The following ADAM18 variants were observed in gnomAD, a reference collection of about 807,000 sequenced individuals.
ADAM18 encodes the protein ADAM metallopeptidase domain 18.
In ADAM18, 117 loss-of-function variants were observed where a neutral mutation model predicts 94.4. That is an observed-to-expected ratio of 1.24 (90% confidence interval 1.07 to 1.45). The LOEUF (loss-of-function observed/expected upper bound fraction) is 1.45. ADAM18 is among the 40% of genes most tolerant of loss of function. ADAM18 has a pLI of 0.00. For synonymous variants in ADAM18, 327 were observed against 291.6 expected (o/e 1.12, Z -1.24); for missense variants, 936 against 880.0 (o/e 1.06, Z -0.81).
chr8:39,724,415 T>C (rs147055194), intron 19 of ADAM18, among the ~76,000 whole-genome samples: 1,858 of 152,014 alleles, frequency 0.012, 21 homozygotes, highest in Non-Finnish European at 0.017. Context: ...TGAATTATCA[T>C]ACTTTATTCC....
chr8:39,629,480 T>G (rs1585915996), intron 7 of ADAM18, 41 bp downstream of exon 7: 1 of 1,344,496 alleles, frequency 7.4e-7, no homozygotes, highest in Non-Finnish European at 1.0e-6. Flanking sequence ...AGGAACTAAG[T>G]ATGCTTTCAA....
chr8:39,589,308 C>T (rs1818500860), intron 2 of ADAM18, among the ~76,000 whole-genome samples: 1 of 152,120 alleles, frequency 6.6e-6, no homozygotes, highest in Admixed American at 6.6e-5. Flanking sequence ...ATATCTTACT[C>T]AGACTATAGC....
intron 7 of ADAM18, 94 bp downstream of exon 7, chr8:39,629,533 C>G: frequency 1.2e-6 from 1 of 805,646 alleles, no homozygotes; most frequent in East Asian, 2.9e-5. Context: ...TTCCTTTTCT[C>G]TCTTCCTCCT....
At chr8:39,592,264 A>G (rs1818589405) in intron 2 of ADAM18, among the ~76,000 whole-genome samples, 1 of 152,212 alleles carries the variant, frequency 6.6e-6, no homozygotes, top group Non-Finnish European at 1.5e-5. Flanking sequence ...AAGATTGGGT[A>G]GAATGATAGT....
At chr8:39,606,228 T>G in intron 2 of ADAM18, 79 bp from the exon 3 acceptor site, 1 of 767,950 alleles carries the variant, frequency 1.3e-6, no homozygotes, top group South Asian at 1.8e-5. Flanking sequence ...AGACTCTTTT[T>G]ATTAACTTGG....
chr8:39,677,145 G>C (rs1821322335), intron 14 of ADAM18, among the ~76,000 whole-genome samples: 1 of 152,146 alleles, frequency 6.6e-6, no homozygotes, highest in African/African-American at 2.4e-5. Flanking sequence ...GAAGTTACAA[G>C]GTCAAGCCCA....
chr8:39,638,297 GTA>G (rs1820140759), intron 9 of ADAM18, among the ~76,000 whole-genome samples, 166 bp from the exon 10 acceptor site: 1 of 139,318 alleles, frequency 7.2e-6, no homozygotes, highest in African/African-American at 3.3e-5. Context: ...TTTAGATTTA[GTA>G]TTTAGTATTT....
chr8:39,592,923 G>A (rs1818619475), intron 2 of ADAM18, among the ~76,000 whole-genome samples: 1 of 152,100 alleles, frequency 6.6e-6, no homozygotes, highest in African/African-American at 2.4e-5. Context: ...GTAGAAGGCT[G>A]TTTTATCTAC....
intron 12 of ADAM18, among the ~76,000 whole-genome samples, chr8:39,651,601 GCACATGT>G (rs1476046697): frequency 1.5e-5 from 1 of 68,304 alleles, no homozygotes; most frequent in East Asian, 2.1e-4. Context: ...TGAGTTGACA[GCACATGT>G]TTTCAGGGAG....
intron 13 of ADAM18, among the ~76,000 whole-genome samples, chr8:39,666,847 C>G (rs1299585056): frequency 2.6e-5 from 4 of 152,120 alleles, no homozygotes; most frequent in Admixed American, 6.6e-5. Flanking sequence ...GGTGGGGACA[C>G]AGCCAAACCG....
chr8:39,690,323 G>A (rs1172088542), intron 16 of ADAM18, among the ~76,000 whole-genome samples: 2 of 151,946 alleles, frequency 1.3e-5, no homozygotes, highest in African/African-American at 4.8e-5. Context: ...CATGGCAAGT[G>A]GAAGGTGTGT....
At chr8:39,710,827 T>A (rs2129581446) in intron 18 of ADAM18, among the ~76,000 whole-genome samples, 1 of 152,286 alleles carries the variant, frequency 6.6e-6, no homozygotes, top group Non-Finnish European at 1.5e-5. Context: ...AGAAAATAAC[T>A]AGGAATTTAA....
At chr8:39,606,398 A>G (rs1304278555) in intron 3 of ADAM18, 36 bp downstream of exon 3, 1 of 1,386,978 alleles carries the variant, frequency 7.2e-7, no homozygotes, top group Non-Finnish European at 1.0e-6. Flanking sequence ...AGGAAAAGGG[A>G]AAGCTTTAAG....
Position 39,592,154 on chromosome 8 carries a change from G to A in ADAM18, c.132+6802G>A, listed in dbSNP as rs184903179. On this transcript the variant is annotated intron_variant, in intron 2 of 19. Coordinates refer to ENST00000265707, the MANE Select transcript of ADAM18 (RefSeq NM_014237.3). ...TTTAGCATAATTCTTAAGGGCCCTAGCATTGTTAGAACGGTCACTGAGTAT... is the reference window on the plus strand; with the variant it reads ...TTTAGCATAATTCTTAAGGGCCCTAACATTGTTAGAACGGTCACTGAGTAT... 4.6e-5 allele frequency among the ~76,000 whole-genome samples: 7 copies of A among 152,264 alleles called. No individual in the cohort carries two copies. The South Asian group carries it at 6.2e-4, about 14-fold the overall frequency.
intron 19 of ADAM18, among the ~76,000 whole-genome samples, chr8:39,724,783 T>G (rs1822854399): frequency 6.6e-6 from 1 of 151,930 alleles, no homozygotes; most frequent in African/African-American, 2.4e-5. Context: ...AATATTCTGT[T>G]TTTTCTTGTG....
chr8:39,701,677 C>T (rs1563312693), intron 17 of ADAM18, among the ~76,000 whole-genome samples: 1 of 152,060 alleles, frequency 6.6e-6, no homozygotes, highest in Non-Finnish European at 1.5e-5. Context: ...GTGTGTTGTT[C>T]CCCTCTATGT....
chr8:39,717,637 C>A (rs1442046851), intron 18 of ADAM18, among the ~76,000 whole-genome samples: 2 of 151,470 alleles, frequency 1.3e-5, no homozygotes, highest in Non-Finnish European at 3.0e-5. Context: ...AAAAATGTGA[C>A]CTATATATGT....
rs1820965522 is a variant in ADAM18, at chr8:39,665,239, C to CTA, written c.1326+1349_1326+1350insTA. On this transcript the variant is annotated intron_variant, in intron 13 of 19. Transcript: ENST00000265707. Reference sequence around the variant, plus strand: ...ATCTTAACATAATGTATTTGAGATACATTCATGTTCTTATGTTTATTAGCA... The same window carrying CTA: ...ATCTTAACATAATGTATTTGAGATACTAATTCATGTTCTTATGTTTATTAGCA... Among the ~76,000 whole-genome samples the CTA allele has an allele frequency of 9.2e-5, 14 of 152,232 alleles. No individual in the cohort carries two copies. The South Asian group carries it at 2.9e-3, about 32-fold the overall frequency.
At chr8:39,644,558 G>T (rs1199241792) in intron 10 of ADAM18, among the ~76,000 whole-genome samples, 1 of 152,134 alleles carries the variant, frequency 6.6e-6, no homozygotes, top group Non-Finnish European at 1.5e-5. Context: ...AAAACGCTGG[G>T]ATTAGAGGCC....
Sources: allele counts gnomAD v4.1 joint callset (sites outside exome capture counted in the v4.1 genomes callset), GRCh38; gene constraint gnomAD v4.1.1; transcripts MANE v1.5; gene names NCBI Gene and HGNC (gene_info 2026-07-23, HGNC 2026-07-21).